The following DNAI1 variants were observed in gnomAD, a reference collection of about 807,000 sequenced individuals.
The protein encoded by DNAI1 is dynein axonemal intermediate chain 1.
DNAI1 carries 67 observed loss-of-function variants against 92.0 expected under a neutral mutation model. That is an observed-to-expected ratio of 0.73 (90% confidence interval 0.60 to 0.89). DNAI1 has a LOEUF of 0.89. DNAI1 is among the 40% of genes least tolerant of loss of function. The pLI is 0.00. For missense variants in DNAI1, 839 were observed against 866.6 expected, an observed-to-expected ratio of 0.97 and a Z score of 0.40; for synonymous variants, 323 against 319.6, an observed-to-expected ratio of 1.01 and a Z score of -0.11.
chr9:34,483,533 T>G (rs1339947740), intron 2 of DNAI1, 53 bp downstream of exon 2: 30 of 1,533,308 alleles, frequency 2.0e-5, no homozygotes, highest in Non-Finnish European at 2.7e-5. Context: ...AGTGTTTTTT[T>G]TGTTGAAAAT....
chr9:34,514,517 G>A lies in DNAI1; in HGVS notation c.1693G>A (p.Val565Met), dbSNP rs139953639. The A allele has an allele frequency of 6.2e-6, 10 of 1,614,264 alleles. No homozygotes were observed. The Admixed American group carries it at 1.2e-4, about 19-fold the overall frequency. The change falls in exon 17 of 20, where the codon GTG (valine) becomes ATG (methionine). Residue 565 changes from valine to methionine, a missense_variant. Coordinates refer to ENST00000242317, the MANE Select transcript of DNAI1 (RefSeq NM_012144.4). ...VFMSCSSDWTVKIWDHTIKTP... is the reference protein window; with the variant it reads ...VFMSCSSDWTMKIWDHTIKTP... ...CATGTCCTGCAGCTCCGACTGGACA[G>A]TGAAGATCTGGGACCACACCATCAA...
chr9:34,472,244 GGAGGGCACTA>G lies in DNAI1; in HGVS notation c.49-11203_49-11194del, dbSNP rs1217901216. On this transcript the variant is annotated intron_variant, in intron 1 of 19. Transcript: ENST00000242317. Reference sequence around the variant, plus strand: ...TTTTATACTCACAGCAATTCTATGAGGAGGGCACTAATATTTTTCTCCCCCTTACAGATGC... The same window carrying G: ...TTTTATACTCACAGCAATTCTATGAGATATTTTTCTCCCCCTTACAGATGC... Among the ~76,000 whole-genome samples the G allele has an allele frequency of 7.2e-5, 11 of 152,306 alleles. No homozygotes were observed. In the East Asian group the frequency reaches 2.1e-3, roughly 29 times the overall value.
At chr9:34,494,274 A>T (rs1042730896) in intron 9 of DNAI1, among the ~76,000 whole-genome samples, 2 of 152,106 alleles carry the variant, frequency 1.3e-5, no homozygotes, top group Non-Finnish European at 2.9e-5. Flanking sequence ...ATTCTGTTTC[A>T]TTATCCTGAT....
chr9:34,507,279 C>T (rs771606887), intron 13 of DNAI1, among the ~76,000 whole-genome samples: 9 of 152,138 alleles, frequency 5.9e-5, no homozygotes, highest in Non-Finnish European at 1.0e-4. Flanking sequence ...ACTTTGGGGT[C>T]CTCAAAAACA....
intron 10 of DNAI1, 79 bp downstream of exon 10, chr9:34,497,278 C>T: frequency 9.5e-7 from 1 of 1,057,334 alleles, no homozygotes; most frequent in Non-Finnish European, 1.5e-6. Flanking sequence ...ATTTGGGTGT[C>T]TCTTGCTAGC....
intron 13 of DNAI1, among the ~76,000 whole-genome samples, chr9:34,507,392 TA>T (rs1315166176): frequency 6.6e-6 from 1 of 152,180 alleles, no homozygotes; most frequent in Non-Finnish European, 1.5e-5. Flanking sequence ...TCCTTACAAT[TA>T]GGCAAGTAGA....
In DNAI1 at chr9:34,500,881, C is replaced by T. The variant is rs10814116; in HGVS notation, c.1019+42C>T. ...CAGCAAATGCAGAGCCCCTGAGTGC[C>T]CTCTACATCCCAAACCCCCAGTACC... is the stretch of plus-strand genomic sequence containing the variant. On this transcript the variant is annotated intron_variant, in intron 11 of 19. Coordinates refer to ENST00000242317, the MANE Select transcript of DNAI1 (RefSeq NM_012144.4). The T allele has an allele frequency of 0.21, 306,741 of 1,480,920 alleles. 34,461 individuals carry two copies. The highest frequency in any genetic ancestry group is 0.37 in the East Asian group (16,308 of 44,298). 91.7% of individuals were successfully genotyped at this position (1,480,920 alleles called of 1,614,324 possible). A position where few individuals can be genotyped will look rare whatever the true frequency, so the allele number is the denominator to read the frequency against.
At chr9:34,517,601 T>TA in intron 19 of DNAI1, 134 bp downstream of exon 19, 1 of 1,013,176 alleles carries the variant, frequency 9.9e-7, no homozygotes, top group Non-Finnish European at 1.5e-6. Flanking sequence ...TGTCATTGCC[T>TA]GAATGAGGCT....
intron 8 of DNAI1, among the ~76,000 whole-genome samples, chr9:34,491,809 G>T (rs1824602627): frequency 6.6e-6 from 1 of 152,234 alleles, no homozygotes; most frequent in African/African-American, 2.4e-5. Context: ...AACAGGCATG[G>T]CTTCTGGATG....
chr9:34,462,843 A>G (rs1823974418), intron 1 of DNAI1, among the ~76,000 whole-genome samples: 2 of 152,252 alleles, frequency 1.3e-5, no homozygotes, highest in Non-Finnish European at 2.9e-5. Context: ...GTAATTATTT[A>G]TCGTACCCAC....
chr9:34,483,687 GTATT>G (rs1218671162), intron 2 of DNAI1, among the ~76,000 whole-genome samples: 1 of 151,980 alleles, frequency 6.6e-6, no homozygotes, highest in Admixed American at 6.6e-5. Context: ...AAAATTACAT[GTATT>G]TATTATTTTT....
chr9:34,465,015 C>T (rs1394366099), intron 1 of DNAI1, among the ~76,000 whole-genome samples: 3 of 152,154 alleles, frequency 2.0e-5, no homozygotes, highest in Non-Finnish European at 2.9e-5. Flanking sequence ...GAATGTGTTT[C>T]AGTGAAACTG....
chr9:34,460,802 G>T (rs1408870127), intron 1 of DNAI1, among the ~76,000 whole-genome samples: 1 of 152,032 alleles, frequency 6.6e-6, no homozygotes, highest in Non-Finnish European at 1.5e-5. Context: ...GGGATTACAG[G>T]CATGCACCAC....
intron 15 of DNAI1, 50 bp downstream of exon 15, chr9:34,512,474 C>A: frequency 6.4e-7 from 1 of 1,553,152 alleles, no homozygotes; most frequent in Non-Finnish European, 8.9e-7. Flanking sequence ...TCATTCAGGC[C>A]CAGTGAGGGT....
At chr9:34,507,695 T>C (rs1824965675) in intron 13 of DNAI1, among the ~76,000 whole-genome samples, 1 of 152,200 alleles carries the variant, frequency 6.6e-6, no homozygotes, top group Non-Finnish European at 1.5e-5. Context: ...GCACGGGGCC[T>C]TTCCTCTGCC....
At chr9:34,506,976 A>G (rs1824947744) in intron 13 of DNAI1, 102 bp downstream of exon 13, 1 of 1,509,222 alleles carries the variant, frequency 6.6e-7, no homozygotes, top group Admixed American at 1.9e-5. Flanking sequence ...ACAGGCAAGG[A>G]GATGAGGATG....
intron 16 of DNAI1, among the ~76,000 whole-genome samples, chr9:34,513,783 T>C (rs1414831837): frequency 6.6e-6 from 1 of 151,986 alleles, no homozygotes; most frequent in Non-Finnish European, 1.5e-5. Flanking sequence ...CCCCACCCCC[T>C]CTTCACCCCT....
chr9:34,512,549 A>G (rs1825087325), intron 15 of DNAI1, 125 bp downstream of exon 15: 3 of 959,806 alleles, frequency 3.1e-6, no homozygotes, highest in Non-Finnish European at 4.9e-6. Flanking sequence ...GCCTGACAGG[A>G]GATTGTAGGA....
intron 1 of DNAI1, among the ~76,000 whole-genome samples, chr9:34,472,467 G>A (rs1824156890): frequency 6.6e-6 from 1 of 152,218 alleles, no homozygotes; most frequent in African/African-American, 2.4e-5. Context: ...TTCCAGGGAG[G>A]AATGGGGCTG....
Sources: allele counts gnomAD v4.1 joint callset (sites outside exome capture counted in the v4.1 genomes callset), GRCh38; gene constraint gnomAD v4.1.1; transcripts MANE v1.5; gene names NCBI Gene and HGNC (gene_info 2026-07-23, HGNC 2026-07-21).